The following MDGA2 variants were observed in gnomAD, a reference collection of about 807,000 sequenced individuals.
The protein encoded by MDGA2 is MAM domain-containing glycosylphosphatidylinositol anchor protein 2.
In MDGA2, 40 loss-of-function variants were observed where a neutral mutation model predicts 117.8. That is an observed-to-expected ratio of 0.34 (90% confidence interval 0.26 to 0.44). The LOEUF (loss-of-function observed/expected upper bound fraction) is 0.44. Among genes scored for constraint, MDGA2 ranks in the 20% least tolerant of loss-of-function variants. The pLI is 1.00. For synonymous variants in MDGA2, 452 were observed against 439.0 expected, an observed-to-expected ratio of 1.03 and a Z score of -0.37; for missense variants, 1,123 against 1,250.6, an observed-to-expected ratio of 0.90 and a Z score of 1.54.
chr14:47,494,960 C>A (rs900107286), intron 1 of MDGA2, among the ~76,000 whole-genome samples: 9 of 150,870 alleles, frequency 6.0e-5, no homozygotes, highest in Non-Finnish European at 1.3e-4. Flanking sequence ...TATATACACA[C>A]GTCACATTTT....
intron 5 of MDGA2, among the ~76,000 whole-genome samples, chr14:47,113,757 C>G (rs1881172783): frequency 6.6e-6 from 1 of 152,080 alleles, no homozygotes; most frequent in South Asian, 2.1e-4. Context: ...GAACACACCT[C>G]AAAATAATAA....
intron 14 of MDGA2, among the ~76,000 whole-genome samples, chr14:46,868,947 C>T (rs941413173): frequency 1.3e-5 from 2 of 151,764 alleles, no homozygotes; most frequent in Non-Finnish European, 2.9e-5. Flanking sequence ...TTTTTTTTAC[C>T]GCTTTAGTGG....
intron 1 of MDGA2, among the ~76,000 whole-genome samples, chr14:47,672,446 C>T (rs1240264992): frequency 6.6e-6 from 1 of 152,186 alleles, no homozygotes. Context: ...CTAGATCTTA[C>T]CCTTTTCCAC....
intron 3 of MDGA2, among the ~76,000 whole-genome samples, chr14:47,164,499 A>C (rs1883778995): frequency 6.6e-6 from 1 of 152,238 alleles, no homozygotes; most frequent in African/African-American, 2.4e-5. Context: ...ACACATGAAA[A>C]AATGCTCATC....
At chr14:47,458,948 G>T (rs973636027) in intron 1 of MDGA2, among the ~76,000 whole-genome samples, 3 of 150,054 alleles carry the variant, frequency 2.0e-5, no homozygotes, top group African/African-American at 7.4e-5. Flanking sequence ...GTATGGTTCT[G>T]TGGGATGAAG....
chr14:47,349,482 G>GC (rs1326440778), intron 1 of MDGA2, among the ~76,000 whole-genome samples: 1 of 152,176 alleles, frequency 6.6e-6, no homozygotes, highest in Non-Finnish European at 1.5e-5. Flanking sequence ...ATGCAAATTA[G>GC]TTAGGTTGAA....
chr14:47,064,863 C>A (rs1312440635), intron 6 of MDGA2, among the ~76,000 whole-genome samples: 1 of 151,998 alleles, frequency 6.6e-6, no homozygotes, highest in African/African-American at 2.4e-5. Context: ...TTTCCTGCTA[C>A]CAGTTAAGAT....
intron 1 of MDGA2, among the ~76,000 whole-genome samples, chr14:47,651,990 G>A (rs896063713): frequency 1.1e-4 from 16 of 152,222 alleles, no homozygotes; most frequent in African/African-American, 3.6e-4. Context: ...TTACACATAC[G>A]GATCTGGAGC....
At chr14:47,155,817 G>A (rs981583800) in intron 3 of MDGA2, among the ~76,000 whole-genome samples, 1 of 150,246 alleles carries the variant, frequency 6.7e-6, no homozygotes, top group Non-Finnish European at 1.5e-5. Flanking sequence ...CTGGCAAAGC[G>A]ACACCCCAAG....
chr14:47,034,458 T>C (rs954817035), intron 8 of MDGA2, among the ~76,000 whole-genome samples: 1 of 152,206 alleles, frequency 6.6e-6, no homozygotes, highest in East Asian at 1.9e-4. Context: ...ATTATCACTA[T>C]ATTACTAGAT....
chr14:47,653,424 G>T (rs1897681722), intron 1 of MDGA2, among the ~76,000 whole-genome samples: 1 of 151,986 alleles, frequency 6.6e-6, no homozygotes. Flanking sequence ...AAAGAGTTGG[G>T]GGAAGTAATA....
intron 10 of MDGA2, among the ~76,000 whole-genome samples, chr14:46,891,698 T>C (rs1189208029): frequency 1.3e-5 from 2 of 151,598 alleles, no homozygotes; most frequent in Non-Finnish European, 3.0e-5. Context: ...AATTTTTTGT[T>C]TTAGTTTCTA....
rs118024397 is a variant in MDGA2, at chr14:46,940,952, T to C, written c.2089+16422A>G. Reference sequence around the variant, plus strand: ...TTATCTTCTAGGAACATTTATTTTCTGCAAAACATATAACTTGAGTTAATA... The same window carrying C: ...TTATCTTCTAGGAACATTTATTTTCCGCAAAACATATAACTTGAGTTAATA... On this transcript the variant is annotated intron_variant, in intron 9 of 16. Coordinates refer to ENST00000399232, the MANE Select transcript of MDGA2 (RefSeq NM_001113498.3). Among the ~76,000 whole-genome samples, 152 of 152,342 alleles carry C rather than the reference T, an allele frequency of 1.0e-3. 4 individuals are homozygous for C. In the East Asian group the frequency reaches 0.027, roughly 27 times the overall value.
At chr14:47,041,088 A>G (rs552334309) in intron 7 of MDGA2, among the ~76,000 whole-genome samples, 1 of 152,320 alleles carries the variant, frequency 6.6e-6, no homozygotes, top group South Asian at 2.1e-4. Context: ...GTAATTCTAC[A>G]ATTAGTAGCT....
rs113035248 is a variant in MDGA2 at position 46,977,257 on chromosome 14, T to A, written c.1820-19614A>T. On this transcript the variant is annotated intron_variant, in intron 8 of 16. Coordinates refer to ENST00000399232, the MANE Select transcript of MDGA2 (RefSeq NM_001113498.3). ...CTCTTTTTTTTTAAAACACTTTCAC[T>A]AGTCATTCTAGGATTCAAGGCCCTC... 6.5e-3 allele frequency among the ~76,000 whole-genome samples: 988 copies of A among 151,900 alleles called. 5 individuals carry two copies. Among genetic ancestry groups the A allele is most frequent in the African/African-American group, 0.012 (513 of 41,520 alleles).
intron 1 of MDGA2, among the ~76,000 whole-genome samples, chr14:47,339,854 T>C (rs1890567924): frequency 6.6e-6 from 1 of 152,210 alleles, no homozygotes; most frequent in Non-Finnish European, 1.5e-5. Context: ...TTTCTGTGGC[T>C]AACTTACATT....
chr14:47,168,578 G>A (rs9323126), intron 3 of MDGA2, among the ~76,000 whole-genome samples: 148,094 of 152,086 alleles, frequency 0.97, 72,123 homozygotes, highest in East Asian at 1. Context: ...AGAGAGTGTT[G>A]AAACTAATAA....
At chr14:47,558,282 G>A (rs544674820) in intron 1 of MDGA2, among the ~76,000 whole-genome samples, 1 of 152,288 alleles carries the variant, frequency 6.6e-6, no homozygotes, top group South Asian at 2.1e-4. Context: ...GGTTGGGCAG[G>A]GGTAAGAAAA....
At chr14:47,468,827 C>G (rs1357911451) in intron 1 of MDGA2, among the ~76,000 whole-genome samples, 1 of 152,014 alleles carries the variant, frequency 6.6e-6, no homozygotes, top group Non-Finnish European at 1.5e-5. Flanking sequence ...TCATTGCAAA[C>G]TGTGTGAGCA....
Sources: allele counts gnomAD v4.1 joint callset (sites outside exome capture counted in the v4.1 genomes callset), GRCh38; gene constraint gnomAD v4.1.1; transcripts MANE v1.5; gene names NCBI Gene and HGNC (gene_info 2026-07-23, HGNC 2026-07-21).